The following SPATA9 variants were observed in gnomAD, a reference collection of about 807,000 sequenced individuals.
SPATA9 encodes spermatogenesis associated 9, also known as spermatogenesis-associated protein 9.
Under a neutral mutation model 25.5 loss-of-function variants are expected in SPATA9, and 27 were observed. The observed-to-expected ratio is 1.06, with a 90% CI of 0.78 to 1.46. SPATA9 has a LOEUF of 1.46. SPATA9 is among the 40% of genes most tolerant of loss of function. The pLI is 0.00. For missense variants in SPATA9, 282 were observed against 297.5 expected (o/e 0.95, Z 0.38); for synonymous variants, 102 against 105.7 (o/e 0.97, Z 0.21).
At chr5:95,656,884 C>G (rs1424196310), downstream of SPATA9, 3 of 152,198 alleles carry the variant, frequency 2.0e-5, no homozygotes, top group Admixed American at 6.5e-5. Context: ...ATGTTCACCT[C>G]TGAACTGTGC....
intron 3 of SPATA9, among the ~76,000 whole-genome samples, chr5:95,670,661 AT>A (rs1752290251): frequency 6.6e-6 from 1 of 152,168 alleles, no homozygotes; most frequent in African/African-American, 2.4e-5. Context: ...CAGTTTGACA[AT>A]TCTTAAAGGA....
chr5:95,707,118 T>C, the SPATA9 span, among the ~76,000 whole-genome samples: 2 of 152,314 alleles, frequency 1.3e-5, no homozygotes, highest in South Asian at 2.1e-4. Context: ...AGCTAAATTA[T>C]CATTCAAGAA....
intron 1 of SPATA9, among the ~76,000 whole-genome samples, chr5:95,690,790 T>G (rs1182500401): frequency 6.6e-6 from 1 of 152,222 alleles, no homozygotes; most frequent in Non-Finnish European, 1.5e-5. Context: ...AATAAGAGCT[T>G]CTCAAACTAT....
At chr5:95,710,925 A>C in the SPATA9 span, among the ~76,000 whole-genome samples, 1 of 151,698 alleles carries the variant, frequency 6.6e-6, no homozygotes, top group Non-Finnish European at 1.5e-5. Flanking sequence ...CAGTTTTTGG[A>C]GTTTTCTTTT....
chr5:95,719,298 G>A, the SPATA9 span, among the ~76,000 whole-genome samples: 11 of 152,142 alleles, frequency 7.2e-5, no homozygotes, highest in Non-Finnish European at 1.3e-4. Flanking sequence ...AGTGCTTCAG[G>A]AGGATGAAAG....
chr5:95,685,520 G>C (rs1753718885), upstream of SPATA9, among the ~76,000 whole-genome samples: 1 of 152,186 alleles, frequency 6.6e-6, no homozygotes, highest in Admixed American at 6.5e-5. Context: ...AAACAGATCA[G>C]TTCTGTTGGT....
intron 4 of SPATA9, among the ~76,000 whole-genome samples, chr5:95,660,317 C>A (rs1271057906): frequency 1.3e-5 from 2 of 152,188 alleles, no homozygotes; most frequent in African/African-American, 2.4e-5. Context: ...TACCTAATCA[C>A]TTCCCAAAGG....
chr5:95,687,135 GCCA>G (rs1753769220), upstream of SPATA9, among the ~76,000 whole-genome samples: 1 of 152,200 alleles, frequency 6.6e-6, no homozygotes, highest in Non-Finnish European at 1.5e-5. Flanking sequence ...CCAAGCAGAT[GCCA>G]CTTGCCAGGC....
chr5:95,674,917 C>T (rs1217012861), intron 3 of SPATA9: 9 of 354,692 alleles, frequency 2.5e-5, no homozygotes, highest in Non-Finnish European at 4.9e-5. Context: ...GAGTTCTGTG[C>T]CACGAAGTTT....
At chr5:95,715,893 A>G in the SPATA9 span, among the ~76,000 whole-genome samples, 9 of 152,248 alleles carry the variant, frequency 5.9e-5, no homozygotes, top group East Asian at 3.8e-4. Flanking sequence ...AAACCACTCA[A>G]TGTAAAATAC....
At chr5:95,686,244 T>C (rs1219072455), upstream of SPATA9, among the ~76,000 whole-genome samples, 4 of 152,234 alleles carry the variant, frequency 2.6e-5, no homozygotes, top group South Asian at 2.1e-4. Flanking sequence ...CATTAAATGG[T>C]TGCTACCTCA....
chr5:95,731,902 C>T, the SPATA9 span: 2 of 1,614,098 alleles, frequency 1.2e-6, no homozygotes, highest in South Asian at 1.1e-5. Flanking sequence ...GGACACATTC[C>T]ACCAGGACAA....
chr5:95,671,700 C>T (rs754111130), intron 3 of SPATA9, among the ~76,000 whole-genome samples: 19 of 152,104 alleles, frequency 1.2e-4, no homozygotes, highest in African/African-American at 1.9e-4. Flanking sequence ...TGAGCCACCA[C>T]GCCTGGCCGC....
intron 1 of SPATA9, among the ~76,000 whole-genome samples, chr5:95,696,807 G>T (rs1754034748): frequency 6.6e-6 from 1 of 152,142 alleles, no homozygotes; most frequent in South Asian, 2.1e-4. Flanking sequence ...TAAGAGCTAG[G>T]ATTGCACCAC....
rs186314799 is a variant in SPATA9, at chr5:95,692,127, C to G, written n.124+6461G>C. 2.6e-5 allele frequency among the ~76,000 whole-genome samples: 4 copies of G among 151,708 alleles called. No individual in the cohort carries two copies. The East Asian group carries it at 7.7e-4, about 29-fold the overall frequency. On this transcript the variant is annotated intron_variant and non_coding_transcript_variant, in intron 1 of 2. Coordinates refer to the SPATA9 transcript ENST00000379990. ...ATTCATAAGTGAGATTGGTCTATGG[C>G]TTTTTTTTGTACTTAACAGATTGGT...
At chr5:95,710,499 C>A in the SPATA9 span, among the ~76,000 whole-genome samples, 2,381 of 152,300 alleles carry the variant, frequency 0.016, 124 homozygotes, top group East Asian at 0.18. Flanking sequence ...CTACTGCTCG[C>A]AGGCAACTTG....
upstream of SPATA9, among the ~76,000 whole-genome samples, chr5:95,702,540 T>C (rs1184992741): frequency 1.3e-5 from 2 of 152,136 alleles, no homozygotes; most frequent in Admixed American, 6.5e-5. Flanking sequence ...CTCTTAGATA[T>C]ATTCTACATT....
intron 3 of SPATA9, among the ~76,000 whole-genome samples, chr5:95,671,195 T>A (rs945929749): frequency 2.0e-5 from 3 of 152,174 alleles, no homozygotes; most frequent in Admixed American, 1.3e-4. Flanking sequence ...AGATACAGTA[T>A]CCTATCTCTA....
chr5:95,660,327 G>T (rs190668029), intron 4 of SPATA9, among the ~76,000 whole-genome samples: 41 of 152,154 alleles, frequency 2.7e-4, no homozygotes, highest in African/African-American at 9.6e-4. Flanking sequence ...CTTCCCAAAG[G>T]CCCCACTTGC....
Sources: allele counts gnomAD v4.1 joint callset (sites outside exome capture counted in the v4.1 genomes callset), GRCh38; gene constraint gnomAD v4.1.1; transcripts MANE v1.5; gene names NCBI Gene and HGNC (gene_info 2026-07-23, HGNC 2026-07-21).